Variants in CD22 observed in about 807,000 individuals in gnomAD.
The protein encoded by CD22 is B-cell receptor CD22.
In CD22, 51 loss-of-function variants were observed where a neutral mutation model predicts 94.7. The observed-to-expected ratio is 0.54, with a 90% CI of 0.43 to 0.68. CD22 has a LOEUF of 0.68. Ranked by LOEUF, CD22 falls within the 30% of genes least tolerant of loss-of-function variation. CD22 has a pLI of 0.00. For synonymous variants in CD22, 424 were observed against 422.5 expected (o/e 1.00, Z -0.04); for missense variants, 931 against 1,060.4 (o/e 0.88, Z 1.69).
Position 35,346,574 on chromosome 19 carries a change from T to A in CD22, c.2421T>A (p.Tyr807Ter). Residue 807 changes from tyrosine (Y) to a stop codon, truncating the protein, a stop_gained, in exon 14 of 14, where the codon TAT becomes TAA. Transcript: ENST00000085219. LOFTEE classifies it low-confidence loss of function (END_TRUNC). ...CCATGCGGTTTTCTCAGGGCGACTA[T>A]GAGAACGTCATTCCAGATTTTCCAG... is the stretch of plus-strand genomic sequence containing the variant. ...SALHKRQVGD[Y>*]ENVIPDFPED... is the part of the protein sequence containing the mutation. 1 of 1,602,184 alleles carries A rather than the reference T, an allele frequency of 6.2e-7. No homozygotes were observed.
At chr19:35,342,144 CCTCCT>C (rs927850141) in intron 9 of CD22, among the ~76,000 whole-genome samples, 179 bp downstream of exon 9, 47 of 150,978 alleles carry the variant, frequency 3.1e-4, no homozygotes, top group Admixed American at 1.8e-3. Flanking sequence ...TCCCTCTCCT[CCTCCT>C]CTTTCTTCTC....
At chr19:35,346,000 G>A (rs539719911) in intron 12 of CD22, 151 bp from the exon 13 acceptor site, 1 of 665,716 alleles carries the variant, frequency 1.5e-6, no homozygotes, top group African/African-American at 1.8e-5. Flanking sequence ...ATTTGCACGA[G>A]CTCCTACTGT....
chr19:35,339,654 G>A (rs539324554), intron 6 of CD22, among the ~76,000 whole-genome samples: 6 of 152,180 alleles, frequency 3.9e-5, no homozygotes, highest in South Asian at 2.1e-4. Context: ...TCAGGAGTTC[G>A]AGACCAGCCT....
At chr19:35,344,382 C>A (rs757156121) in intron 9 of CD22, among the ~76,000 whole-genome samples, 4 of 152,220 alleles carry the variant, frequency 2.6e-5, no homozygotes, top group Non-Finnish European at 4.4e-5. Flanking sequence ...GGAGTCCTCG[C>A]GTATGAAGGT....
In CD22 at chr19:35,332,159, G is replaced by A. The variant is rs544704473; in HGVS notation, c.34+85G>A. The A allele has an allele frequency of 4.2e-5, 63 of 1,498,266 alleles. 1 individual carries two copies. The South Asian group carries it at 4.8e-4, about 12-fold the overall frequency. 92.8% of individuals were successfully genotyped at this position (1,498,266 alleles called of 1,614,324 possible). A position where few individuals can be genotyped will look rare whatever the true frequency, so the allele number is the denominator to read the frequency against. On this transcript the variant is annotated intron_variant, in intron 2 of 13. Transcript: ENST00000085219. ...GGAGGAAAGACCCAGGCAGAGAGGC[G>A]TCAACATAGGGTAGGGTGGGGGCAG...
chr19:35,343,713 T>C (rs891803598), intron 9 of CD22, among the ~76,000 whole-genome samples: 46 of 151,550 alleles, frequency 3.0e-4, no homozygotes, highest in African/African-American at 1.1e-3. Flanking sequence ...CCACACCTCA[T>C]AGCAGGATCT....
chr19:35,336,144 T>C lies in CD22; in HGVS notation c.521T>C (p.Leu174Ser). ...NFSCYGYPIQ[L>S]QWLLEGVPMR... is the part of the protein sequence containing the mutation. ...TCCTGCTATGGGTATCCGATCCAAT[T>C]GCAGTGGCTCCTAGAGGGGGTTCCA... is the stretch of plus-strand genomic sequence containing the variant. Residue 174 changes from leucine to serine, a missense_variant, in exon 4 of 14, where the codon TTG (leucine) becomes TCG (serine). Physicochemically the swap from Leu to Ser is moderately radical, Grantham distance 145. Coordinates refer to ENST00000085219, the MANE Select transcript of CD22 (RefSeq NM_001771.4). 6.2e-7 allele frequency: 1 copy of C among 1,614,156 alleles called. No homozygotes were observed. Among genetic ancestry groups the C allele is most frequent in the Non-Finnish European group, 8.5e-7 (1 of 1,180,010 alleles).
chr19:35,342,114 CTTCTT>C, intron 9 of CD22, 149 bp downstream of exon 9: 1 of 665,728 alleles, frequency 1.5e-6, no homozygotes, highest in South Asian at 2.0e-5. Flanking sequence ...CTTCCTCCTT[CTTCTT>C]CTTCTTCTGC....
chr19:35,344,584 C>T lies in CD22; in HGVS notation c.2036-245C>T. On this transcript the variant is annotated intron_variant, in intron 9 of 13. Transcript: ENST00000085219. ...TGCACCCATTTATGCGGGTGCGGGTCACAGGCTCTGGGCGTGCCACGTCTG... is the reference window on the plus strand; with the variant it reads ...TGCACCCATTTATGCGGGTGCGGGTTACAGGCTCTGGGCGTGCCACGTCTG... 6.2e-6 allele frequency: 3 copies of T among 480,232 alleles called. No individual in the cohort carries two copies. In the South Asian group the frequency reaches 9.0e-5, roughly 14 times the overall value. 29.7% of individuals were successfully genotyped at this position (480,232 alleles called of 1,614,324 possible). A position where few individuals can be genotyped will look rare whatever the true frequency, so the allele number is the denominator to read the frequency against.
chr19:35,343,139 GCA>G (rs2066844440), intron 9 of CD22, among the ~76,000 whole-genome samples: 1 of 144,668 alleles, frequency 6.9e-6, no homozygotes, highest in South Asian at 2.2e-4. Context: ...TCACCCTGTT[GCA>G]CAGGTTGGAG....
At chr19:35,335,592 C>T (rs978151778) in intron 3 of CD22, among the ~76,000 whole-genome samples, 17 of 148,288 alleles carry the variant, frequency 1.1e-4, no homozygotes, top group Non-Finnish European at 1.5e-5. Flanking sequence ...GTGGCTTACA[C>T]CTGTAATCCC....
At chr19:35,336,619 A>G (rs984735893) in intron 4 of CD22, 1 of 474,636 alleles carries the variant, frequency 2.1e-6, no homozygotes, top group Non-Finnish European at 3.8e-6. Context: ...TCGCATCATT[A>G]TCTTGTGCCT....
At chr19:35,335,526 C>T (rs1238075760) in intron 3 of CD22, among the ~76,000 whole-genome samples, 1 of 152,102 alleles carries the variant, frequency 6.6e-6, no homozygotes, top group Admixed American at 6.5e-5. Context: ...CACTGCACTC[C>T]AGCCTGGGTG....
intron 6 of CD22, among the ~76,000 whole-genome samples, chr19:35,339,295 C>G (rs565378931): frequency 6.6e-6 from 1 of 151,974 alleles, no homozygotes; most frequent in Admixed American, 6.5e-5. Flanking sequence ...GGCACAGTGG[C>G]TCACACTTGT....
chr19:35,331,942 T>C, intron 1 of CD22, 77 bp from the exon 2 acceptor site: 1 of 1,609,178 alleles, frequency 6.2e-7, no homozygotes. Context: ...GGGTCGGAGC[T>C]CAGTGGGTGA....
In CD22 at chr19:35,341,719, C is replaced by T. The variant is rs150827700; in HGVS notation, c.1789C>T (p.Arg597Cys). ...CCATGCAGATGCACCCAGGAGGCTG[C>T]GTGTGTCCATGAGCCCGGGGGACCA... ...LEVLYAPRRL[R>C]VSMSPGDQVM... The change falls in exon 9 of 14, where the codon CGT (arginine) becomes TGT (cysteine). Residue 597 changes from arginine to cysteine, a missense_variant. Transcript: ENST00000085219. This position sits in a 1 kb window ranked among gnomAD's most constrained non-coding sequence, Gnocchi z 4.0. 2.6e-5 allele frequency: 42 copies of T among 1,610,346 alleles called. No individual in the cohort carries two copies. Among genetic ancestry groups the T allele is most frequent in the Admixed American group, 1.3e-4 (8 of 59,986 alleles).
intron 4 of CD22, chr19:35,336,744 C>T (rs2066731058): frequency 5.1e-6 from 1 of 195,642 alleles, no homozygotes; most frequent in Non-Finnish European, 1.1e-5. Flanking sequence ...ACTCTTGCCC[C>T]ACGCGGAGCC....
At position 35,341,542 on chromosome 19, in the gene CD22, C is replaced by T. The variant is rs1382803680; in HGVS notation, c.1707C>T (p.Tyr569=). ...TCTCCCCAGAAGATGCTGGGAGTTA[C>T]AGCTGCTGGGTGAACAACTCCATAG... ...DSISPEDAGS[Y]SCWVNNSIGQ... Residue 569 remains tyrosine, a synonymous_variant, in exon 8 of 14, where the codon TAC becomes TAT. Transcript: ENST00000085219. The surrounding 1 kb of genome is among the most constrained non-coding windows in gnomAD (Gnocchi z 4.0). The T allele has an allele frequency of 1.9e-6, 3 of 1,614,136 alleles. No homozygotes were observed. In the Admixed American group the frequency reaches 5.0e-5, roughly 27 times the overall value.
chr19:35,343,200 G>C (rs1008229492), intron 9 of CD22, among the ~76,000 whole-genome samples: 2 of 151,828 alleles, frequency 1.3e-5, no homozygotes, highest in South Asian at 2.1e-4. Context: ...CTAGGCTCAA[G>C]TGATACTCCT....
Sources: allele counts gnomAD v4.1 joint callset (sites outside exome capture counted in the v4.1 genomes callset), GRCh38; gene constraint gnomAD v4.1.1; non-coding constraint Gnocchi (gnomAD v3.1); transcripts MANE v1.5; gene names NCBI Gene and HGNC (gene_info 2026-07-23, HGNC 2026-07-21).